The following FSTL4 variants were observed in gnomAD, a reference collection of about 807,000 sequenced individuals.
The protein encoded by FSTL4 is follistatin-related protein 4.
A neutral mutation model predicts 78.2 loss-of-function variants in FSTL4; 28 were observed. That is an observed-to-expected ratio of 0.36 (90% CI 0.27 to 0.49). The LOEUF is 0.49. Among genes scored for constraint, FSTL4 ranks in the 20% least tolerant of loss-of-function variants. FSTL4 has a pLI of 0.98. For missense variants in FSTL4, 922 were observed against 1,084.9 expected (o/e 0.85, Z 2.11); for synonymous variants, 422 against 440.5 (o/e 0.96, Z 0.53).
the FSTL4 span, among the ~76,000 whole-genome samples, chr5:133,759,832 A>G: frequency 1.3e-5 from 2 of 152,204 alleles, no homozygotes; most frequent in African/African-American, 4.8e-5. Flanking sequence ...TCTACATTCT[A>G]TTGTAGATGA....
chr5:133,459,755 G>C (rs569235381), intron 3 of FSTL4, among the ~76,000 whole-genome samples: 60 of 79,768 alleles, frequency 7.5e-4, no homozygotes, highest in Middle Eastern at 6.9e-3. Context: ...CGTCAACTCA[G>C]GCTTTGGGAA....
chr5:133,520,313 CCTCTT>C lies in FSTL4; in HGVS notation c.160+46868_160+46872del, dbSNP rs1265617351. Among the ~76,000 whole-genome samples the C allele has an allele frequency of 3.9e-5, 6 of 152,202 alleles. No individual in the cohort carries two copies. In the South Asian group the frequency reaches 1.2e-3, roughly 32 times the overall value. On this transcript the variant is annotated intron_variant, in intron 3 of 15. Coordinates refer to ENST00000265342, the MANE Select transcript of FSTL4 (RefSeq NM_015082.2). ...CACTCCTTCCCTTCCATGCTGCAGG[CCTCTT>C]CTCTTCATCTCGAGAAAGCCACTCC...
At chr5:133,275,851 G>T (rs1752871470) in intron 6 of FSTL4, 1 of 152,210 alleles carries the variant, frequency 6.6e-6, no homozygotes, top group Non-Finnish European at 1.5e-5. Flanking sequence ...GCAGCACACG[G>T]CAAGGTAGCA....
chr5:133,259,709 C>A (rs1479418448), intron 6 of FSTL4, among the ~76,000 whole-genome samples: 1 of 151,452 alleles, frequency 6.6e-6, no homozygotes, highest in Admixed American at 6.6e-5. Flanking sequence ...TGCAGGGGGA[C>A]CATTTAGGAG....
chr5:133,469,994 G>T (rs755260588), intron 3 of FSTL4, among the ~76,000 whole-genome samples: 3 of 151,982 alleles, frequency 2.0e-5, no homozygotes, highest in Non-Finnish European at 4.4e-5. Flanking sequence ...TCCACAGCCC[G>T]CAGAGAACCA....
chr5:133,572,308 G>A (rs1205506684), intron 2 of FSTL4, among the ~76,000 whole-genome samples: 1 of 152,050 alleles, frequency 6.6e-6, no homozygotes, highest in Non-Finnish European at 1.5e-5. Context: ...AGGGGTATAT[G>A]TGCACATTTG....
In FSTL4 at chr5:133,495,293, A is replaced by G. The variant is rs10069033; in HGVS notation, c.160+71893T>C. Among the ~76,000 whole-genome samples the G allele has an allele frequency of 8.6e-3, 1,316 of 152,256 alleles. 23 individuals carry two copies. Among genetic ancestry groups the G allele is most frequent in the African/African-American group, 0.03 (1,238 of 41,536 alleles). ...ACTCTGAGCTCAGAGAAACTCTGCA[A>G]CTCATCTCCAGGCCACTCACTGTGA... On this transcript the variant is annotated intron_variant, in intron 3 of 15. Coordinates refer to ENST00000265342, the MANE Select transcript of FSTL4 (RefSeq NM_015082.2).
In FSTL4 at chr5:133,238,091, T is replaced by C. The variant is rs75076236; in HGVS notation, c.895-4554A>G. Among the ~76,000 whole-genome samples, 39 of 152,180 alleles carry C rather than the reference T, an allele frequency of 2.6e-4. No individual in the cohort carries two copies. In the East Asian group the frequency reaches 7.5e-3, roughly 29 times the overall value. On this transcript the variant is annotated intron_variant, in intron 7 of 15. Transcript: ENST00000265342. Reference sequence around the variant, plus strand: ...GTATTAAACAATAGTTAAGCAGAGATGAGATGGGGGATGTTGTCATAGTGA... The same window carrying C: ...GTATTAAACAATAGTTAAGCAGAGACGAGATGGGGGATGTTGTCATAGTGA...
intron 6 of FSTL4, among the ~76,000 whole-genome samples, chr5:133,281,834 G>A (rs941022312): frequency 6.6e-6 from 1 of 152,118 alleles, no homozygotes; most frequent in Non-Finnish European, 1.5e-5. Context: ...CAGGTCATGG[G>A]GTTTGGGTCA....
At chr5:133,441,587 G>A (rs989544325) in intron 3 of FSTL4, among the ~76,000 whole-genome samples, 23 of 152,190 alleles carry the variant, frequency 1.5e-4, no homozygotes, top group African/African-American at 5.6e-4. Flanking sequence ...GAGGCCTGAG[G>A]CAAGCAAGTG....
At chr5:133,836,357 C>T in the FSTL4 span, among the ~76,000 whole-genome samples, 1 of 152,108 alleles carries the variant, frequency 6.6e-6, no homozygotes, top group African/African-American at 2.4e-5. Context: ...ATATTGAGTG[C>T]ATTCTTGACT....
intron 3 of FSTL4, among the ~76,000 whole-genome samples, chr5:133,458,686 T>TG (rs939655054): frequency 6.6e-6 from 1 of 152,240 alleles, no homozygotes. Flanking sequence ...CCCCAGATGA[T>TG]GGGCAACTGT....
intron 11 of FSTL4, among the ~76,000 whole-genome samples, chr5:133,222,211 C>A (rs1751158986): frequency 6.6e-6 from 1 of 152,030 alleles, no homozygotes. Context: ...TGGAACCCAG[C>A]CTCTCAGAAG....
intron 4 of FSTL4, among the ~76,000 whole-genome samples, chr5:133,395,720 G>A (rs1450400613): frequency 6.6e-6 from 1 of 150,628 alleles, no homozygotes; most frequent in African/African-American, 2.5e-5. Flanking sequence ...CTTCATGCCT[G>A]TACTCCTAGA....
chr5:133,501,648 C>T (rs973942329), intron 3 of FSTL4, among the ~76,000 whole-genome samples: 1 of 152,156 alleles, frequency 6.6e-6, no homozygotes, highest in Non-Finnish European at 1.5e-5. Flanking sequence ...CTCCTCACCA[C>T]CCAATATTCC....
rs1561469716 is a variant in FSTL4 at position 133,561,139 on chromosome 5, A to AATT, written c.160+6044_160+6046dup. On this transcript the variant is annotated intron_variant, in intron 3 of 15. Coordinates refer to ENST00000265342, the MANE Select transcript of FSTL4 (RefSeq NM_015082.2). ...TAATAATAATAATAATAATAATAATAATTCTTCATGGAAAAGTCAATAGGC... is the reference window on the plus strand; with the variant it reads ...TAATAATAATAATAATAATAATAATAATTATTCTTCATGGAAAAGTCAATAGGC... Among the ~76,000 whole-genome samples the AATT allele has an allele frequency of 5.8e-5, 8 of 137,234 alleles. 1 individual carries two copies. Among genetic ancestry groups the AATT allele is most frequent in the Admixed American group, 4.5e-4 (6 of 13,418 alleles). 90.0% of individuals were successfully genotyped at this position (137,234 alleles called of 152,430 possible).
At chr5:133,525,173 C>T (rs1315988712) in intron 3 of FSTL4, among the ~76,000 whole-genome samples, 2 of 152,192 alleles carry the variant, frequency 1.3e-5, no homozygotes, top group Non-Finnish European at 2.9e-5. Flanking sequence ...GTTAGAAATG[C>T]AAATGACCCT....
chr5:133,314,211 A>G (rs1466390055), intron 5 of FSTL4, among the ~76,000 whole-genome samples: 1 of 152,200 alleles, frequency 6.6e-6, no homozygotes, highest in Admixed American at 6.5e-5. Context: ...AGCTGTAACT[A>G]TCAGGACCTG....
chr5:133,653,680 T>C, the FSTL4 span, among the ~76,000 whole-genome samples: 33 of 152,356 alleles, frequency 2.2e-4, no homozygotes, highest in Admixed American at 4.6e-4. Flanking sequence ...CATGCTGAGA[T>C]TGATGGAAGC....
Sources: gnomAD v4.1 joint callset for allele counts (sites outside exome capture counted in the v4.1 genomes callset) on GRCh38, gnomAD v4.1.1 for gene constraint, MANE v1.5 for transcripts, NCBI Gene and HGNC (gene_info 2026-07-23, HGNC 2026-07-21) for gene names.